PLXNA4: variants seen among roughly 807,000 people sequenced by gnomAD.
PLXNA4 encodes the protein plexin-A4.
PLXNA4 carries 44 observed loss-of-function variants against 191.8 expected under a neutral mutation model. The observed-to-expected ratio is 0.23, with a 90% confidence interval of 0.18 to 0.29. The LOEUF is 0.29. Ranked by LOEUF, PLXNA4 falls within the 10% of genes least tolerant of loss-of-function variation. The probability of loss-of-function intolerance (pLI) is 1.00; values close to 1 mark genes in which losing one functional copy is unlikely to be tolerated. For synonymous variants in PLXNA4, 1,082 were observed against 1,009.5 expected (o/e 1.07, Z -1.36); for missense variants, 1,800 against 2,488.8 (o/e 0.72, Z 5.89).
upstream of PLXNA4, among the ~76,000 whole-genome samples, chr7:132,581,903 C>T (rs778594656): frequency 6.6e-6 from 1 of 152,132 alleles, no homozygotes; most frequent in South Asian, 2.1e-4. Context: ...AACAAACAAA[C>T]AAAACTTGTC....
intron 1 of PLXNA4, among the ~76,000 whole-genome samples, chr7:132,563,815 CT>C (rs1801531181): frequency 1.1e-4 from 8 of 75,998 alleles, no homozygotes; most frequent in Non-Finnish European, 1.7e-4. Flanking sequence ...TCTCCTCCTC[CT>C]TCTCCTCCTC....
At chr7:132,509,803 T>A (rs1045394276) in intron 1 of PLXNA4, among the ~76,000 whole-genome samples, 2 of 152,130 alleles carry the variant, frequency 1.3e-5, no homozygotes, top group Non-Finnish European at 2.9e-5. Context: ...CTCTGCTGGA[T>A]GAAGAGGCCA....
chr7:132,367,331 C>T (rs1264975972), intron 3 of PLXNA4, among the ~76,000 whole-genome samples: 1 of 152,082 alleles, frequency 6.6e-6, no homozygotes, highest in African/African-American at 2.4e-5. Context: ...TGGACTATGA[C>T]CAAAGAAGTA....
At chr7:132,554,338 A>G (rs1371689930) in intron 1 of PLXNA4, among the ~76,000 whole-genome samples, 1 of 152,150 alleles carries the variant, frequency 6.6e-6, no homozygotes, top group Non-Finnish European at 1.5e-5. Flanking sequence ...ATGGTGTGCT[A>G]TGTGGTGGAA....
chr7:132,378,909 T>G (rs1212876832), intron 3 of PLXNA4, among the ~76,000 whole-genome samples: 1 of 143,760 alleles, frequency 7.0e-6, no homozygotes, highest in Non-Finnish European at 1.5e-5. Flanking sequence ...TGGAGTGCAA[T>G]GGCGCGATCT....
chr7:132,336,768 A>G (rs1053771207), intron 3 of PLXNA4, among the ~76,000 whole-genome samples: 1 of 152,264 alleles, frequency 6.6e-6, no homozygotes, highest in Non-Finnish European at 1.5e-5. Context: ...CTTTTCAGCA[A>G]AAACACTTGA....
intron 4 of PLXNA4, among the ~76,000 whole-genome samples, chr7:132,296,172 A>G (rs936675497): frequency 6.6e-6 from 1 of 152,152 alleles, no homozygotes; most frequent in Non-Finnish European, 1.5e-5. Context: ...CAGCCCTGGA[A>G]TGGATGAACA....
At chr7:132,328,676 G>T (rs943596925) in intron 3 of PLXNA4, among the ~76,000 whole-genome samples, 5 of 152,174 alleles carry the variant, frequency 3.3e-5, no homozygotes, top group South Asian at 2.1e-4. Flanking sequence ...GAGCAGGAGA[G>T]CATGGGCTTG....
intron 4 of PLXNA4, among the ~76,000 whole-genome samples, chr7:132,296,443 T>C (rs1449361609): frequency 2.7e-5 from 4 of 147,106 alleles, no homozygotes; most frequent in Admixed American, 6.7e-5. Flanking sequence ...TAATTTCTCT[T>C]TTTTTTTTTT....
At chr7:132,520,460 G>A (rs1799131313) in intron 1 of PLXNA4, among the ~76,000 whole-genome samples, 1 of 152,276 alleles carries the variant, frequency 6.6e-6, no homozygotes, top group Admixed American at 6.5e-5. Context: ...TCCAAGCATT[G>A]AAACTGCCCC....
intron 3 of PLXNA4, among the ~76,000 whole-genome samples, chr7:132,472,315 T>C (rs944084864): frequency 6.6e-6 from 1 of 152,224 alleles, no homozygotes; most frequent in South Asian, 2.1e-4. Flanking sequence ...ATTTGGCTTG[T>C]TTCTTAACTT....
chr7:132,561,327 TTCCTCCTCTTCCTCC>T (rs1479984760), intron 1 of PLXNA4, among the ~76,000 whole-genome samples: 10 of 88,602 alleles, frequency 1.1e-4, no homozygotes, highest in African/African-American at 3.1e-4. Context: ...TCTCCTCCTC[TTCCTCCTCTTCCTCC>T]TCCTCCTCTT....
At chr7:132,280,585 A>G (rs1194323477) in intron 4 of PLXNA4, among the ~76,000 whole-genome samples, 2 of 152,198 alleles carry the variant, frequency 1.3e-5, no homozygotes, top group East Asian at 3.8e-4. Flanking sequence ...AGTGACTCTC[A>G]GAGAGAATCT....
intron 3 of PLXNA4, among the ~76,000 whole-genome samples, chr7:132,396,765 T>A (rs572372870): frequency 2.0e-5 from 3 of 152,246 alleles, no homozygotes; most frequent in Admixed American, 2.0e-4. Flanking sequence ...GTGCTGGGAT[T>A]ACAGGTGTGA....
intron 1 of PLXNA4, among the ~76,000 whole-genome samples, chr7:132,551,539 C>T (rs904875528): frequency 6.6e-5 from 10 of 152,292 alleles, no homozygotes; most frequent in East Asian, 5.8e-4. Flanking sequence ...GAGTATACCT[C>T]GCTGGAGGCT....
intron 25 of PLXNA4, among the ~76,000 whole-genome samples, chr7:132,149,880 C>CAATT (rs1288739266): frequency 2.0e-5 from 3 of 152,186 alleles, no homozygotes; most frequent in Admixed American, 6.5e-5. Context: ...CAGAGAGCAC[C>CAATT]AATTCCTCCC....
At chr7:132,226,762 T>A (rs1194669185) in intron 7 of PLXNA4, among the ~76,000 whole-genome samples, 1 of 152,180 alleles carries the variant, frequency 6.6e-6, no homozygotes, top group African/African-American at 2.4e-5. Context: ...GGAATCCTCA[T>A]CTGGTGCCAG....
At chr7:132,389,289 A>G (rs1396613243) in intron 3 of PLXNA4, among the ~76,000 whole-genome samples, 2 of 152,110 alleles carry the variant, frequency 1.3e-5, no homozygotes, top group Admixed American at 1.3e-4. Context: ...TTTGTTGTCT[A>G]TTTTGGCTTT....
chr7:132,350,491 G>A (rs1044166793), intron 3 of PLXNA4, among the ~76,000 whole-genome samples: 4 of 152,178 alleles, frequency 2.6e-5, no homozygotes, highest in African/African-American at 7.2e-5. Flanking sequence ...GCAACAGACT[G>A]GGAGTCTGTC....
Sources: allele counts gnomAD v4.1 joint callset (sites outside exome capture counted in the v4.1 genomes callset), GRCh38; gene constraint gnomAD v4.1.1; transcripts MANE v1.5; gene names NCBI Gene and HGNC (gene_info 2026-07-23, HGNC 2026-07-21).